PACS2: variants seen among roughly 807,000 people sequenced by gnomAD.
PACS2 encodes the protein phosphofurin acidic cluster sorting protein 2, also known as PACS1-like protein.
Under a neutral mutation model 113.0 loss-of-function variants are expected in PACS2, and 36 were observed. The ratio of observed to expected loss-of-function variants is 0.32; its 90% confidence interval spans 0.24 to 0.42. The LOEUF (loss-of-function observed/expected upper bound fraction) is 0.42. Ranked by LOEUF, PACS2 falls within the 10% of genes least tolerant of loss-of-function variation. PACS2 has a pLI of 1.00. For missense variants in PACS2, 1,015 were observed against 1,239.5 expected, an observed-to-expected ratio of 0.82 and a Z score of 2.72; for synonymous variants, 589 against 536.1, an observed-to-expected ratio of 1.10 and a Z score of -1.36.
intron 7 of PACS2, among the ~76,000 whole-genome samples, chr14:105,369,590 A>T (rs587665127): frequency 6.6e-6 from 1 of 152,154 alleles, no homozygotes; most frequent in African/African-American, 2.4e-5. Context: ...AGGGCTGCAG[A>T]GGCTTCTGGA....
chr14:105,340,659 G>A lies in PACS2; in HGVS notation c.120-7834G>A, dbSNP rs1213738445. ...GGCCAGGAACCTGTCCTGGGGGTTG[G>A]GGACCTCTGGTCTACAGCACAGGTG... On this transcript the variant is annotated intron_variant, in intron 1 of 24. Transcript: ENST00000447393. This position sits in a 1 kb window ranked among gnomAD's most constrained non-coding sequence, Gnocchi z 4.2. Among the ~76,000 whole-genome samples, 5 of 152,200 alleles carry A rather than the reference G, an allele frequency of 3.3e-5. No homozygotes were observed. The highest frequency in any genetic ancestry group is 7.3e-5 in the Non-Finnish European group (5 of 68,034).
chr14:105,360,419 C>T (rs2060634725), intron 4 of PACS2, among the ~76,000 whole-genome samples: 2 of 151,800 alleles, frequency 1.3e-5, no homozygotes, highest in Admixed American at 1.3e-4. Context: ...TGGCTCACAC[C>T]TGTAATCCCA....
intron 1 of PACS2, among the ~76,000 whole-genome samples, chr14:105,338,060 C>G (rs948747577): frequency 6.6e-6 from 1 of 152,200 alleles, no homozygotes; most frequent in Non-Finnish European, 1.5e-5. Context: ...TCCTGCCCCG[C>G]CCCCATCTGA....
At chr14:105,320,636 C>T (rs1412737850) in intron 1 of PACS2, among the ~76,000 whole-genome samples, 1 of 152,218 alleles carries the variant, frequency 6.6e-6, no homozygotes, top group African/African-American at 2.4e-5. Flanking sequence ...AGCCTCCCTA[C>T]CTGCCCACAT....
intron 20 of PACS2, 196 bp downstream of exon 20, chr14:105,390,199 G>A (rs1313851349): frequency 6.2e-6 from 4 of 644,306 alleles, no homozygotes; most frequent in Middle Eastern, 3.1e-4. Flanking sequence ...GCCAGAGGTT[G>A]TTAGTTCCCC....
At chr14:105,337,420 G>A (rs1287527058) in intron 1 of PACS2, among the ~76,000 whole-genome samples, 2 of 152,238 alleles carry the variant, frequency 1.3e-5, no homozygotes, top group African/African-American at 2.4e-5. Context: ...ACTGAAAAAT[G>A]GTTCAAACGG....
At chr14:105,379,591 C>T (rs1184867056) in intron 9 of PACS2, 148 bp from the exon 10 acceptor site, 11 of 652,554 alleles carry the variant, frequency 1.7e-5, no homozygotes, top group East Asian at 2.7e-5. Flanking sequence ...GCGGGGTGTG[C>T]GCTGACACGG....
upstream of PACS2, among the ~76,000 whole-genome samples, chr14:105,311,134 A>C (rs980595039): frequency 6.6e-6 from 1 of 151,428 alleles, no homozygotes; most frequent in Non-Finnish European, 1.5e-5. Flanking sequence ...TTGTATTTTT[A>C]GTAGAGATGG....
At chr14:105,336,168 A>T (rs901156423) in intron 1 of PACS2, among the ~76,000 whole-genome samples, 2 of 152,184 alleles carry the variant, frequency 1.3e-5, no homozygotes, top group Non-Finnish European at 2.9e-5. Context: ...AACAAAACAC[A>T]GTCAGCAGGT....
rs781848588 is a variant in PACS2 at position 105,391,222 on chromosome 14, A to G, written c.2092A>G (p.Ile698Val). 8.7e-6 allele frequency: 14 copies of G among 1,613,294 alleles called. No homozygotes were observed. Among genetic ancestry groups the G allele is most frequent in the East Asian group, 2.2e-5 (1 of 44,866 alleles). The change falls in exon 21 of 25, where the codon ATT becomes GTT. Residue 698 changes from isoleucine (I) to valine (V), a missense_variant. This residue lies in a region of PACS2 where 859 missense variants were observed against 1,056.8 expected (regional missense o/e 0.81). Transcript: ENST00000447393. ...IPFVGVVKVGIVEPSSATSGD... is the reference protein window; with the variant it reads ...IPFVGVVKVGVVEPSSATSGD... The stretch of plus-strand genomic sequence containing the variant: ...TGTTTTCTAGGTTGTGAAGGTTGGA[A>G]TTGTGGAGCCATCCTCGGCCACATC...
At chr14:105,374,210 T>G (rs1347209849) in intron 8 of PACS2, among the ~76,000 whole-genome samples, 1 of 150,228 alleles carries the variant, frequency 6.7e-6, no homozygotes, top group Non-Finnish European at 1.5e-5. Context: ...TGAGCTAAGA[T>G]TATAAAGCTC....
chr14:105,384,527 A>G (rs1342648070), intron 17 of PACS2, 64 bp downstream of exon 17: 6 of 1,032,320 alleles, frequency 5.8e-6, no homozygotes, highest in South Asian at 4.0e-5. Flanking sequence ...GTTTCCCCAG[A>G]TGCTGTGCCC....
chr14:105,340,194 A>C lies in PACS2; in HGVS notation c.120-8299A>C, dbSNP rs1172518908. ...TAATGGAATGTACCAGCAGAAACAC[A>C]TGCGATCGTAATGTGCTTCAGAAAT... On this transcript the variant is annotated intron_variant, in intron 1 of 24. Coordinates refer to ENST00000447393, the MANE Select transcript of PACS2 (RefSeq NM_001100913.3). This position sits in a 1 kb window ranked among gnomAD's most constrained non-coding sequence, Gnocchi z 4.2. Among the ~76,000 whole-genome samples the C allele has an allele frequency of 1.3e-5, 2 of 152,266 alleles. No individual in the cohort carries two copies. Among genetic ancestry groups the C allele is most frequent in the Non-Finnish European group, 2.9e-5 (2 of 68,050 alleles).
At chr14:105,391,512 T>TGGCCCCCCCCCCCCCCCCCC in intron 21 of PACS2, 119 bp from the exon 22 acceptor site, 2 of 611,318 alleles carry the variant, frequency 3.3e-6, no homozygotes. Context: ...CACTGGGGAC[T>TGGCCCCCCCCCCCCCCCCCC]CCCACCCTGC....
At chr14:105,370,179 T>G in intron 8 of PACS2, 1 of 341,586 alleles carries the variant, frequency 2.9e-6, no homozygotes, top group Non-Finnish European at 5.4e-6. Context: ...GTGTGTTTTT[T>G]TTTTTATAAA....
In PACS2 at chr14:105,376,720, C is replaced by T; in HGVS notation, c.802-48C>T. 6.3e-7 allele frequency: 1 copy of T among 1,589,840 alleles called. No individual in the cohort carries two copies. On this transcript the variant is annotated intron_variant, in intron 8 of 24. Coordinates refer to ENST00000447393, the MANE Select transcript of PACS2 (RefSeq NM_001100913.3). The surrounding 1 kb of genome is among the most constrained non-coding windows in gnomAD (Gnocchi z 4.7). ...GGGGTCTCGGGCGCCCCCAGTGGGG[C>T]AATGTGGGCTGCTGCAGGGAACTCA...
At chr14:105,367,401 GC>G (rs782308779) in intron 5 of PACS2, 26 bp downstream of exon 5, 16 of 1,605,282 alleles carry the variant, frequency 1.0e-5, no homozygotes, top group Non-Finnish European at 3.4e-6. Flanking sequence ...GCCCGCTCCT[GC>G]CCCTGCTGTG....
intron 13 of PACS2, 93 bp downstream of exon 13, chr14:105,382,151 C>G: frequency 7.4e-7 from 1 of 1,349,572 alleles, no homozygotes; most frequent in Non-Finnish European, 9.9e-7. Flanking sequence ...CACAGGGGGC[C>G]AAGGGTGCTG....
At position 105,369,827 on chromosome 14, in the gene PACS2, C is replaced by T. The variant is rs782645565; in HGVS notation, c.742-14C>T. The T allele has an allele frequency of 1.3e-5, 21 of 1,573,854 alleles. No individual in the cohort carries two copies. Among genetic ancestry groups the T allele is most frequent in the African/African-American group, 4.0e-5 (3 of 74,120 alleles). On this transcript the variant is annotated splice_polypyrimidine_tract_variant and intron_variant, in intron 7 of 24. Transcript: ENST00000447393. Reference sequence around the variant, plus strand: ...TCTGGCGGCGGCTCTGACTCTGCACCGCCTGTCTTGCAGCAACAGAACTTC... The same window carrying T: ...TCTGGCGGCGGCTCTGACTCTGCACTGCCTGTCTTGCAGCAACAGAACTTC...
Sources: gnomAD v4.1 joint callset for allele counts (sites outside exome capture counted in the v4.1 genomes callset) on GRCh38, gnomAD v4.1.1 for gene constraint, gnomAD v4.1.1 regional missense constraint, Gnocchi (gnomAD v3.1) non-coding constraint, MANE v1.5 for transcripts, NCBI Gene and HGNC (gene_info 2026-07-23, HGNC 2026-07-21) for gene names.